The following NOTCH2 variants were observed in gnomAD, a reference collection of about 807,000 sequenced individuals.
The protein encoded by NOTCH2 is neurogenic locus notch homolog protein 2.
Under a neutral mutation model 235.8 loss-of-function variants are expected in NOTCH2, and 29 were observed. The observed-to-expected ratio is 0.12, with a 90% CI of 0.09 to 0.17. NOTCH2 has a LOEUF of 0.17. Among genes scored for constraint, NOTCH2 ranks in the 10% least tolerant of loss-of-function variants. NOTCH2 has a pLI of 1.00. For missense variants in NOTCH2, 2,285 were observed against 3,150.2 expected, an observed-to-expected ratio of 0.73 and a Z score of 6.57; for synonymous variants, 1,086 against 1,141.5, an observed-to-expected ratio of 0.95 and a Z score of 0.98.
At position 120,069,358 on chromosome 1, in the gene NOTCH2, G is replaced by C. The variant is rs1553217920; in HGVS notation, c.49C>G (p.Leu17Val). The C allele has an allele frequency of 6.4e-7, 1 of 1,571,614 alleles. No homozygotes were observed. The change falls in exon 1 of 34, where the codon CTG becomes GTG. Residue 17 changes from leucine to valine, a missense_variant. Around this residue, in one of 6 missense-constraint regions of NOTCH2, gnomAD observed 37 missense variants for 31.4 expected, o/e 1.18. Transcript: ENST00000256646. ...CCATGCGCGGGGGCCGCGCAGCACAGCCAGAGCGCCAGCAGCGCCCACAGC... is the reference window on the plus strand; with the variant it reads ...CCATGCGCGGGGGCCGCGCAGCACACCCAGAGCGCCAGCAGCGCCCACAGC... ...ALLWALLALW[L>V]CCAAPAHALQ...
At position 119,964,424 on chromosome 1, in the gene NOTCH2, C is replaced by A. The variant is rs371451206; in HGVS notation, c.1682-617G>T. 2.2e-4 allele frequency among the ~76,000 whole-genome samples: 34 copies of A among 152,146 alleles called. No homozygotes were observed. The East Asian group carries it at 3.7e-3, about 16-fold the overall frequency. On this transcript the variant is annotated intron_variant, in intron 10 of 33. Transcript: ENST00000256646. The stretch of plus-strand genomic sequence containing the variant: ...TAAAAGACTCCAGGAGTCCTCCCCC[C>A]ACTTTTAAACCTGAGCTAAAGGTTT...
At chr1:120,038,042 T>C (rs1689984) in intron 1 of NOTCH2, among the ~76,000 whole-genome samples, 5 of 152,180 alleles carry the variant, frequency 3.3e-5, no homozygotes, top group Admixed American at 2.6e-4. Context: ...ATATTGAACT[T>C]ATTGCAAAAA....
chr1:119,999,303 G>A (rs1652615749), intron 3 of NOTCH2, among the ~76,000 whole-genome samples: 2 of 147,684 alleles, frequency 1.4e-5, no homozygotes, highest in Admixed American at 6.7e-5. Context: ...GTAAATGGGA[G>A]ACACAAGAGT....
intron 32 of NOTCH2, 65 bp downstream of exon 32, chr1:119,918,341 T>G: frequency 6.3e-7 from 1 of 1,580,322 alleles, no homozygotes; most frequent in Non-Finnish European, 8.7e-7. Context: ...GTCACGTAAC[T>G]CTATTCCCCT....
At chr1:120,063,424 G>C (rs1319542880) in intron 1 of NOTCH2, among the ~76,000 whole-genome samples, 5 of 151,852 alleles carry the variant, frequency 3.3e-5, no homozygotes, top group Admixed American at 6.6e-5. Flanking sequence ...CAAAAAGGCT[G>C]TGGAACTCCT....
chr1:119,931,984 GTA>G lies in NOTCH2; in HGVS notation c.3656-2774_3656-2773del, dbSNP rs57002170. On this transcript the variant is annotated intron_variant, in intron 22 of 33. Transcript: ENST00000256646. ...AATGTGGGAAAAAAGATATATGTGTGTATATATATATATATGTATATATACAT... is the reference window on the plus strand; with the variant it reads ...AATGTGGGAAAAAAGATATATGTGTGTATATATATATATGTATATATACAT... 9.1e-3 allele frequency among the ~76,000 whole-genome samples: 1,291 copies of G among 141,752 alleles called. 14 individuals are homozygous for G. Among genetic ancestry groups the G allele is most frequent in the African/African-American group, 0.03 (1,159 of 38,750 alleles). 93.0% of individuals were successfully genotyped at this position (141,752 alleles called of 152,430 possible). A position where few individuals can be genotyped will look rare whatever the true frequency, so the allele number is the denominator to read the frequency against.
intron 2 of NOTCH2, among the ~76,000 whole-genome samples, chr1:120,027,850 C>T (rs1653927800): frequency 6.8e-6 from 1 of 146,776 alleles, no homozygotes; most frequent in Admixed American, 6.7e-5. Context: ...TGTATACATG[C>T]CACATTTTCT....
intron 2 of NOTCH2, among the ~76,000 whole-genome samples, chr1:120,007,192 T>G (rs1339389592): frequency 6.6e-6 from 1 of 151,188 alleles, no homozygotes; most frequent in Non-Finnish European, 1.5e-5. Flanking sequence ...AAAGATGGCA[T>G]GCAGGTGACT....
Position 119,968,126 on chromosome 1 carries a change from T to A in NOTCH2, c.1215A>T (p.Gln405His). 1.9e-6 allele frequency: 3 copies of A among 1,614,108 alleles called. No individual in the cohort carries two copies. The highest frequency in any genetic ancestry group is 1.7e-6 in the Non-Finnish European group (2 of 1,179,958). The change falls in exon 7 of 34, where the codon CAA (glutamine) becomes CAT (histidine). Residue 405 changes from glutamine to histidine, a missense_variant. By Grantham distance (24) the Gln-to-His change is conservative. Coordinates refer to ENST00000256646, the MANE Select transcript of NOTCH2 (RefSeq NM_024408.4). ...LNGQYICTCP[Q>H]GYKGADCTED... ...CTGTGCAGTCAGCCCCTTTGTAGCC[T>A]TGTGGGCAGGTGCAAATATATTGCC...
Position 119,935,327 on chromosome 1 carries a change from T to C in NOTCH2, c.3655+145A>G, listed in dbSNP as rs1649810132. Reference sequence around the variant, plus strand: ...GCAAGAGATGGGAGAATAAAATGGCTTGAATTACTAGGATGTAGAACTAAA... The same window carrying C: ...GCAAGAGATGGGAGAATAAAATGGCCTGAATTACTAGGATGTAGAACTAAA... On this transcript the variant is annotated intron_variant, in intron 22 of 33. Transcript: ENST00000256646. 6.3e-6 allele frequency: 10 copies of C among 1,590,052 alleles called. No individual in the cohort carries two copies. In the East Asian group the frequency reaches 2.2e-4, roughly 36 times the overall value.
At chr1:119,988,567 T>C (rs782480264) in intron 4 of NOTCH2, among the ~76,000 whole-genome samples, 8 of 152,158 alleles carry the variant, frequency 5.3e-5, no homozygotes, top group African/African-American at 7.2e-5. Context: ...TGATGAGCCA[T>C]TGAAGCCCAC....
At chr1:119,955,270 T>A (rs782526860) in intron 12 of NOTCH2, 38 bp from the exon 13 acceptor site, 12 of 1,587,698 alleles carry the variant, frequency 7.6e-6, no homozygotes, top group African/African-American at 2.7e-5. Flanking sequence ...ACATCCTAAA[T>A]GCTTAGGAAA....
chr1:119,916,998 TAA>T (rs1649103945), intron 33 of NOTCH2, among the ~76,000 whole-genome samples: 1 of 151,822 alleles, frequency 6.6e-6, no homozygotes, highest in Admixed American at 6.5e-5. Flanking sequence ...GAGACTCACT[TAA>T]AAGAGTACTG....
In NOTCH2 at chr1:120,053,402, T is replaced by C. The variant is rs1655036959; in HGVS notation, c.73+15932A>G. Among the ~76,000 whole-genome samples, 2 of 49,644 alleles carry C rather than the reference T, an allele frequency of 4.0e-5. 1 individual carries two copies. The highest frequency in any genetic ancestry group is 4.2e-4 in the African/African-American group (2 of 4,732). 32.6% of individuals were successfully genotyped at this position (49,644 alleles called of 152,430 possible). ...TGCTTCTAACATTTTAAACCTGATT[T>C]CCATGAAAACTCAGGGGTGAAAGAA... On this transcript the variant is annotated intron_variant, in intron 1 of 33. Coordinates refer to ENST00000256646, the MANE Select transcript of NOTCH2 (RefSeq NM_024408.4).
intron 5 of NOTCH2, among the ~76,000 whole-genome samples, chr1:119,982,304 G>A (rs1651842445): frequency 6.6e-6 from 1 of 152,106 alleles, no homozygotes; most frequent in Admixed American, 6.6e-5. Context: ...ACTATTCCAA[G>A]CCCATGCTGA....
chr1:119,938,047 C>T, intron 19 of NOTCH2, 37 bp from the exon 20 acceptor site: 1 of 1,604,268 alleles, frequency 6.2e-7, no homozygotes, highest in Non-Finnish European at 8.5e-7. Flanking sequence ...CATCAAAATT[C>T]AAATACTAGA....
In NOTCH2 at chr1:119,915,831, A is replaced by C; in HGVS notation, c.6891T>G (p.Pro2297=). 1.2e-6 allele frequency: 2 copies of C among 1,614,082 alleles called. No homozygotes were observed. The highest frequency in any genetic ancestry group is 1.7e-6 in the Non-Finnish European group (2 of 1,179,968). Residue 2297 remains proline (P), a synonymous_variant, in exon 34 of 34, where the codon CCT becomes CCG. Transcript: ENST00000256646. The part of the protein sequence containing the change: ...RPPEGKHITT[P]REPLPPIVTF... Reference sequence around the variant, plus strand: ...TCACAATGGGGGGCAAGGGCTCCCGAGGGGTGGTTATGTGCTTCCCTTCAG... The same window carrying C: ...TCACAATGGGGGGCAAGGGCTCCCGCGGGGTGGTTATGTGCTTCCCTTCAG...
At chr1:120,067,120 A>G (rs1277403632) in intron 1 of NOTCH2, among the ~76,000 whole-genome samples, 1 of 152,102 alleles carries the variant, frequency 6.6e-6, no homozygotes, top group East Asian at 1.9e-4. Context: ...ACACAGGAAC[A>G]CTCAAAAGTT....
intron 1 of NOTCH2, 171 bp downstream of exon 1, chr1:120,069,163 C>T: frequency 1.3e-6 from 2 of 1,527,616 alleles, no homozygotes; most frequent in East Asian, 2.5e-5. Flanking sequence ...CGGGGCACCA[C>T]GGGAGGGGCC....
Sources: allele counts gnomAD v4.1 joint callset (sites outside exome capture counted in the v4.1 genomes callset), GRCh38; gene constraint gnomAD v4.1.1; regional missense constraint gnomAD v4.1.1; transcripts MANE v1.5; gene names NCBI Gene and HGNC (gene_info 2026-07-23, HGNC 2026-07-21).